Variants in NRG3 observed in about 807,000 individuals in gnomAD.
NRG3 encodes neuregulin 3, also known as pro-neuregulin-3, membrane-bound isoform.
A neutral mutation model predicts 66.9 loss-of-function variants in NRG3; 31 were observed. The ratio of observed to expected loss-of-function variants is 0.46; its 90% CI spans 0.35 to 0.63. NRG3 has a LOEUF of 0.63. Among genes scored for constraint, NRG3 ranks in the 20% least tolerant of loss-of-function variants. The pLI is 0.00. For synonymous variants in NRG3, 393 were observed against 359.4 expected (o/e 1.09, Z -1.06); for missense variants, 910 against 878.9 (o/e 1.04, Z -0.45).
chr10:82,520,440 G>C (rs1403352684), intron 2 of NRG3, among the ~76,000 whole-genome samples: 1 of 151,776 alleles, frequency 6.6e-6, no homozygotes, highest in African/African-American at 2.4e-5. Flanking sequence ...AAAACCCTCA[G>C]TAATCATTTT....
chr10:81,957,201 A>G (rs1017151213), intron 1 of NRG3, among the ~76,000 whole-genome samples: 2 of 152,146 alleles, frequency 1.3e-5, no homozygotes, highest in Non-Finnish European at 2.9e-5. Context: ...ACATGGAGGA[A>G]AGCTGTCCAT....
chr10:82,003,515 G>T (rs889007566), intron 1 of NRG3, among the ~76,000 whole-genome samples: 2 of 152,164 alleles, frequency 1.3e-5, no homozygotes, highest in Non-Finnish European at 2.9e-5. Flanking sequence ...GGAGTGAACC[G>T]TGAGGTTGCT....
At chr10:81,956,448 C>A (rs1184183267) in intron 1 of NRG3, among the ~76,000 whole-genome samples, 1 of 152,186 alleles carries the variant, frequency 6.6e-6, no homozygotes, top group Admixed American at 6.5e-5. Flanking sequence ...TACACTAGGG[C>A]AGACATACCC....
chr10:82,599,318 G>A (rs962006852), intron 2 of NRG3, among the ~76,000 whole-genome samples: 15 of 152,254 alleles, frequency 9.9e-5, no homozygotes, highest in African/African-American at 3.4e-4. Context: ...AACTTGTGGT[G>A]GAAAGGTGAG....
chr10:82,121,195 A>G (rs965475939), intron 1 of NRG3, among the ~76,000 whole-genome samples: 1 of 152,078 alleles, frequency 6.6e-6, no homozygotes, highest in African/African-American at 2.4e-5. Flanking sequence ...TGGCTGCAGG[A>G]CATTCTTCCT....
intron 1 of NRG3, among the ~76,000 whole-genome samples, chr10:81,901,197 G>T (rs567939223): frequency 6.6e-6 from 1 of 152,304 alleles, no homozygotes; most frequent in East Asian, 1.9e-4. Context: ...TGACTTTGCT[G>T]ATGTGTCAAG....
chr10:82,132,881 C>G (rs925215530), intron 1 of NRG3, among the ~76,000 whole-genome samples: 3 of 151,702 alleles, frequency 2.0e-5, no homozygotes, highest in African/African-American at 4.8e-5. Flanking sequence ...ATATTAATCT[C>G]TAATTATTCT....
intron 2 of NRG3, among the ~76,000 whole-genome samples, chr10:82,534,262 A>ATT (rs1264974238): frequency 0.013 from 2,027 of 150,434 alleles, 23 homozygotes; most frequent in Middle Eastern, 0.062. Context: ...AGAAAAATCC[A>ATT]TTTTGTTTTT....
intron 1 of NRG3, among the ~76,000 whole-genome samples, chr10:82,087,962 C>G (rs2065822362): frequency 6.6e-6 from 1 of 151,960 alleles, no homozygotes; most frequent in Admixed American, 6.6e-5. Context: ...GTTCACATTT[C>G]CCGGCTGGAT....
At chr10:81,927,375 A>G (rs1393239086) in intron 1 of NRG3, among the ~76,000 whole-genome samples, 1 of 152,152 alleles carries the variant, frequency 6.6e-6, no homozygotes, top group African/African-American at 2.4e-5. Context: ...AAGGTGGGTC[A>G]AATGTTCTAA....
chr10:82,924,227 A>G (rs1337427997), intron 4 of NRG3, among the ~76,000 whole-genome samples: 1 of 152,088 alleles, frequency 6.6e-6, no homozygotes, highest in Non-Finnish European at 1.5e-5. Flanking sequence ...ACCCAAAAGG[A>G]GCATTGGGAG....
chr10:82,878,044 G>A (rs1055272129), intron 4 of NRG3, among the ~76,000 whole-genome samples: 1 of 152,112 alleles, frequency 6.6e-6, no homozygotes, highest in African/African-American at 2.4e-5. Context: ...ACAGAGGAAG[G>A]AGCACCCACA....
At chr10:82,268,082 A>G (rs901859075) in intron 1 of NRG3, among the ~76,000 whole-genome samples, 14 of 152,194 alleles carry the variant, frequency 9.2e-5, no homozygotes, top group African/African-American at 2.9e-4. Flanking sequence ...AAATTTGAAC[A>G]AATTCTTCCC....
chr10:82,165,335 A>T (rs946672197), intron 1 of NRG3, among the ~76,000 whole-genome samples: 10 of 152,080 alleles, frequency 6.6e-5, no homozygotes, highest in African/African-American at 2.4e-4. Context: ...CTCAATAATT[A>T]TTTATTTGCA....
At chr10:82,426,161 G>A (rs1228676175) in intron 2 of NRG3, among the ~76,000 whole-genome samples, 1 of 151,982 alleles carries the variant, frequency 6.6e-6, no homozygotes, top group East Asian at 1.9e-4. Context: ...GAGCACTCTG[G>A]GTATATTTCA....
chr10:82,737,716 C>T lies in NRG3; in HGVS notation c.954-861C>T, dbSNP rs181587218. On this transcript the variant is annotated intron_variant, in intron 2 of 8. Transcript: ENST00000372141. Reference sequence around the variant, plus strand: ...CAGAGCCAGGCGTCTGGGGCCTCGCCGTATTTGTTCCTGGAATCACTGTCT... The same window carrying T: ...CAGAGCCAGGCGTCTGGGGCCTCGCTGTATTTGTTCCTGGAATCACTGTCT... 8.5e-5 allele frequency among the ~76,000 whole-genome samples: 13 copies of T among 152,196 alleles called. No homozygotes were observed. In the East Asian group the frequency reaches 2.5e-3, roughly 30 times the overall value.
intron 2 of NRG3, among the ~76,000 whole-genome samples, chr10:82,670,594 T>C (rs183364527): frequency 2.6e-5 from 4 of 152,228 alleles, no homozygotes; most frequent in East Asian, 3.9e-4. Flanking sequence ...TTCCCTAGCT[T>C]ACCTGTCTAG....
At chr10:81,919,901 T>C (rs1203926451) in intron 1 of NRG3, among the ~76,000 whole-genome samples, 1 of 152,218 alleles carries the variant, frequency 6.6e-6, no homozygotes, top group Non-Finnish European at 1.5e-5. Context: ...TGTTTTATTC[T>C]TGGCAAGGCC....
intron 1 of NRG3, among the ~76,000 whole-genome samples, chr10:82,034,124 GC>G (rs2132921386): frequency 6.6e-6 from 1 of 152,148 alleles, no homozygotes; most frequent in African/African-American, 2.4e-5. Flanking sequence ...TGTAATCTTT[GC>G]AGGTTCTTTG....
Sources: gnomAD v4.1 joint callset for allele counts (sites outside exome capture counted in the v4.1 genomes callset) on GRCh38, gnomAD v4.1.1 for gene constraint, MANE v1.5 for transcripts, NCBI Gene and HGNC (gene_info 2026-07-23, HGNC 2026-07-21) for gene names.